The following EIF3B variants were observed in gnomAD, a reference collection of about 807,000 sequenced individuals.
The protein encoded by EIF3B is eukaryotic translation initiation factor 3 subunit 9.
EIF3B carries 10 observed loss-of-function variants against 104.6 expected under a neutral mutation model. The observed-to-expected ratio is 0.10, with a 90% confidence interval of 0.06 to 0.16. EIF3B has a LOEUF of 0.16. EIF3B is among the 10% of genes least tolerant of loss of function. The pLI, the probability that EIF3B is intolerant of heterozygous loss-of-function variation, is 1.00. For synonymous variants in EIF3B, 542 were observed against 417.2 expected (o/e 1.30, Z -3.65); for missense variants, 1,014 against 1,087.9 (o/e 0.93, Z 0.96).
At position 2,355,030 on chromosome 7, in the gene EIF3B, CCCGCGGGGCCCGGCGCTCCGGAGG is replaced by C. The variant is rs1451224293; in HGVS notation, c.118_141del (p.Pro40_Gly47del). On this transcript the variant is annotated inframe_deletion, in exon 1 of 19. Coordinates refer to ENST00000360876, the MANE Select transcript of EIF3B (RefSeq NM_001037283.2). ...GCCGCCAGCCGAGGGGCTGCTGCGGCCCGCGGGGCCCGGCGCTCCGGAGGCCGCGGGGACCGAGGCCTCCAGTGA... is the reference window on the plus strand; with the variant it reads ...GCCGCCAGCCGAGGGGCTGCTGCGGCCCGCGGGGACCGAGGCCTCCAGTGA... The C allele has an allele frequency of 1.2e-4, 140 of 1,193,558 alleles. 1 individual carries two copies. Among genetic ancestry groups the C allele is most frequent in the East Asian group, 1.4e-4 (4 of 27,876 alleles). 73.9% of individuals were successfully genotyped at this position (1,193,558 alleles called of 1,614,324 possible).
At chr7:2,357,739 G>T (rs1308850971) in intron 1 of EIF3B, among the ~76,000 whole-genome samples, 2 of 152,226 alleles carry the variant, frequency 1.3e-5, no homozygotes, top group Non-Finnish European at 2.9e-5. Flanking sequence ...TGCTTGGGCT[G>T]AGAGTGATCA....
At chr7:2,355,873 T>G (rs1312977520) in intron 1 of EIF3B, among the ~76,000 whole-genome samples, 1 of 152,156 alleles carries the variant, frequency 6.6e-6, no homozygotes, top group Non-Finnish European at 1.5e-5. Context: ...GAGCCGGTGA[T>G]TTTGTCCTCC....
In EIF3B at chr7:2,363,104, G is replaced by A. The variant is rs1274083064; in HGVS notation, c.847G>A (p.Glu283Lys). 7.4e-6 allele frequency: 12 copies of A among 1,613,984 alleles called. No individual in the cohort carries two copies. The highest frequency in any genetic ancestry group is 1.0e-5 in the Non-Finnish European group (12 of 1,180,028). Residue 283 changes from glutamate to lysine, a missense_variant, in exon 4 of 19, where the codon GAG (glutamate) becomes AAG (lysine). Transcript: ENST00000360876. ...MTISDEWDIPEKQPFKDLGNL... is the reference protein window; with the variant it reads ...MTISDEWDIPKKQPFKDLGNL... ...GATCAGTGACGAGTGGGATATTCCA[G>A]AGAAACAGCCTTTCAAAGACCTGGT...
intron 5 of EIF3B, 83 bp downstream of exon 5, chr7:2,363,843 A>C: frequency 2.0e-6 from 3 of 1,477,944 alleles, no homozygotes; most frequent in Non-Finnish European, 1.8e-6. Flanking sequence ...CTATCAGAAA[A>C]CTGGAAGAGC....
At chr7:2,358,637 C>T (rs958702775) in intron 1 of EIF3B, among the ~76,000 whole-genome samples, 38 of 152,150 alleles carry the variant, frequency 2.5e-4, no homozygotes, top group Non-Finnish European at 4.6e-4. Flanking sequence ...AGCGATTCTC[C>T]TGCCCCAGCC....
chr7:2,376,578 T>G, intron 14 of EIF3B: 1 of 191,192 alleles, frequency 5.2e-6, no homozygotes, highest in Non-Finnish European at 1.1e-5. Context: ...CAGCAGTGAG[T>G]AGTGCTATGC....
intron 11 of EIF3B, 76 bp from the exon 12 acceptor site, chr7:2,372,597 G>A: frequency 6.5e-7 from 1 of 1,531,454 alleles, no homozygotes; most frequent in Non-Finnish European, 8.8e-7. Context: ...TGGTTGAATA[G>A]TGAACATTTT....
In EIF3B at chr7:2,379,462, A is replaced by G. The variant is rs773519251; in HGVS notation, c.2410A>G (p.Thr804Ala). 1.9e-6 allele frequency: 3 copies of G among 1,587,262 alleles called. No individual in the cohort carries two copies. In the South Asian group the frequency reaches 3.5e-5, roughly 18 times the overall value. Residue 804 changes from threonine (T) to alanine (A), a missense_variant, in exon 18 of 19, where the codon ACT becomes GCT. Thr to Ala is a moderately conservative substitution (Grantham distance 58). This residue lies in a region of EIF3B where 266 missense variants were observed against 324.0 expected (regional missense o/e 0.82). Coordinates refer to ENST00000360876, the MANE Select transcript of EIF3B (RefSeq NM_001037283.2). ...WEEETIEFFV[T>A]EEIIPLGNQE is the part of the protein sequence containing the mutation. ...AGAGGAGACCATTGAGTTCTTCGTC[A>G]CTGAAGAAATCATTCCCCTCGGGAA...
At chr7:2,363,282 C>G (rs995307012) in intron 4 of EIF3B, among the ~76,000 whole-genome samples, 155 bp downstream of exon 4, 3 of 151,854 alleles carry the variant, frequency 2.0e-5, no homozygotes, top group African/African-American at 4.8e-5. Context: ...GTGAGACCCC[C>G]GCCTCTACAA....
Position 2,380,238 on chromosome 7 carries a change from T to C in EIF3B, c.*49T>C, listed in dbSNP as rs2115348629. 1 of 455,980 alleles carries C rather than the reference T, an allele frequency of 2.2e-6. No homozygotes were observed. The highest frequency in any genetic ancestry group is 1.6e-5 in the South Asian group (1 of 62,012). The allele number at this position is 455,980 out of a possible 1,614,324, so 28.2% of individuals were successfully genotyped here. On this transcript the variant is annotated 3_prime_UTR_variant, in exon 19 of 19. Transcript: ENST00000360876. ...TCCGCCTGCTGTTCCCGCGCTGAGC[T>C]ACAGGACTCCCGAGTGTGAGCCGCG...
intron 9 of EIF3B, among the ~76,000 whole-genome samples, chr7:2,368,570 A>G (rs942990985): frequency 6.6e-6 from 1 of 152,242 alleles, no homozygotes; most frequent in Admixed American, 6.5e-5. Flanking sequence ...GTGCCTAGAA[A>G]TGAATTTTCA....
intron 10 of EIF3B, among the ~76,000 whole-genome samples, chr7:2,370,670 C>G (rs568912676): frequency 2.0e-5 from 3 of 152,056 alleles, no homozygotes; most frequent in African/African-American, 7.2e-5. Context: ...ACGTTTTCAT[C>G]GGCTGGGTGC....
intron 11 of EIF3B, 41 bp from the exon 12 acceptor site, chr7:2,372,632 G>T (rs1780416663): frequency 1.2e-6 from 2 of 1,605,814 alleles, no homozygotes; most frequent in South Asian, 1.1e-5. Context: ...ACTATGTTCT[G>T]AATTGACCAA....
At position 2,379,195 on chromosome 7, in the gene EIF3B, A is replaced by T; in HGVS notation, c.2294A>T (p.Gln765Leu). ...EDFRKYRKMA[Q>L]ELYMEQKNER... The stretch of plus-strand genomic sequence containing the variant: ...TTCCGGAAGTACCGGAAAATGGCCC[A>T]GGAGCTCTATATGGAGCAGAAAAAC... Residue 765 changes from glutamine to leucine, a missense_variant, in exon 17 of 19, where the codon CAG (glutamine) becomes CTG (leucine). Gln to Leu is a moderately radical substitution (Grantham distance 113, BLOSUM62 -2). Coordinates refer to ENST00000360876, the MANE Select transcript of EIF3B (RefSeq NM_001037283.2). 1 of 1,613,980 alleles carries T rather than the reference A, an allele frequency of 6.2e-7. No homozygotes were observed. Among genetic ancestry groups the T allele is most frequent in the Non-Finnish European group, 8.5e-7 (1 of 1,179,954 alleles).
At chr7:2,357,014 C>A (rs999992530) in intron 1 of EIF3B, among the ~76,000 whole-genome samples, 39 of 152,194 alleles carry the variant, frequency 2.6e-4, no homozygotes, top group African/African-American at 9.2e-4. Flanking sequence ...TACTGCTTGG[C>A]CCACCAGACT....
chr7:2,366,845 C>A, intron 8 of EIF3B, 154 bp from the exon 9 acceptor site: 1 of 860,818 alleles, frequency 1.2e-6, no homozygotes, highest in Non-Finnish European at 1.9e-6. Context: ...TTCTGGGTGG[C>A]GGGTGGGTGG....
At chr7:2,363,206 A>T in intron 4 of EIF3B, 79 bp downstream of exon 4, 1 of 1,418,030 alleles carries the variant, frequency 7.1e-7, no homozygotes, top group African/African-American at 1.4e-5. Flanking sequence ...CAATCCCAGC[A>T]CTTAGGGAGG....
At chr7:2,358,506 A>G (rs1391292123) in intron 1 of EIF3B, among the ~76,000 whole-genome samples, 1 of 45,182 alleles carries the variant, frequency 2.2e-5, no homozygotes, top group African/African-American at 5.1e-5. Flanking sequence ...GGACATCTGC[A>G]TATTTAGTAT....
chr7:2,361,795 G>T (rs2115290646), intron 2 of EIF3B, among the ~76,000 whole-genome samples: 1 of 151,670 alleles, frequency 6.6e-6, no homozygotes, highest in Middle Eastern at 3.4e-3. Context: ...TTGTTTGTTT[G>T]TTTGAGACAG....
Sources: allele counts gnomAD v4.1 joint callset (sites outside exome capture counted in the v4.1 genomes callset), GRCh38; gene constraint gnomAD v4.1.1; regional missense constraint gnomAD v4.1.1; transcripts MANE v1.5; gene names NCBI Gene and HGNC (gene_info 2026-07-23, HGNC 2026-07-21).